The following SHTN1 variants were observed in gnomAD, a reference collection of about 807,000 sequenced individuals.
SHTN1 encodes shootin-1.
A neutral mutation model predicts 83.1 loss-of-function variants in SHTN1; 42 were observed. That is an observed-to-expected ratio of 0.51 (90% CI 0.39 to 0.65). The LOEUF (loss-of-function observed/expected upper bound fraction) is 0.65, where lower values mean the gene tolerates loss of function less well. Ranked by LOEUF, SHTN1 falls within the 30% of genes least tolerant of loss-of-function variation. The probability of loss-of-function intolerance (pLI) is 0.00; values close to 1 mark genes in which losing one functional copy is unlikely to be tolerated. For missense variants in SHTN1, 622 were observed against 737.8 expected, an observed-to-expected ratio of 0.84 and a Z score of 1.82; for synonymous variants, 224 against 247.7, an observed-to-expected ratio of 0.90 and a Z score of 0.90.
rs563987927 is a variant in SHTN1, at chr10:116,968,918, C to T, written c.112-206G>A. 5.3e-5 allele frequency among the ~76,000 whole-genome samples: 8 copies of T among 152,344 alleles called. No homozygotes were observed. The South Asian group carries it at 1.7e-3, about 32-fold the overall frequency. On this transcript the variant is annotated intron_variant, in intron 2 of 16. Coordinates refer to ENST00000355371, the MANE Select transcript of SHTN1 (RefSeq NM_001127211.3). The stretch of plus-strand genomic sequence containing the variant: ...GCCATTTGTATCTGGCCAATTTTCT[C>T]AGACCTTCTAAGATATAAGTCACCT...
At chr10:116,961,567 T>A (rs1052440857) in intron 3 of SHTN1, among the ~76,000 whole-genome samples, 1 of 152,170 alleles carries the variant, frequency 6.6e-6, no homozygotes, top group Admixed American at 6.5e-5. Context: ...ACATTACTAC[T>A]GCATCCCATC....
chr10:117,009,715 T>G (rs1564929798), upstream of SHTN1, among the ~76,000 whole-genome samples: 1 of 151,960 alleles, frequency 6.6e-6, no homozygotes, highest in Non-Finnish European at 1.5e-5. Context: ...CCATCCTGGC[T>G]AACACTGTGA....
intron 1 of SHTN1, among the ~76,000 whole-genome samples, chr10:117,079,845 G>T (rs1291156033): frequency 6.7e-6 from 1 of 148,716 alleles, no homozygotes; most frequent in Admixed American, 6.7e-5. Context: ...CTTTTGAGAA[G>T]TGTCTGTTCA....
Position 116,901,958 on chromosome 10 carries a change from C to G in SHTN1, c.1481-1G>C, listed in dbSNP as rs1427448533. The G allele has an allele frequency of 6.3e-7, 1 of 1,590,046 alleles. No homozygotes were observed. The highest frequency in any genetic ancestry group is 8.5e-7 in the Non-Finnish European group (1 of 1,171,550). On this transcript the variant is annotated splice_acceptor_variant, in intron 15 of 16. Coordinates refer to ENST00000355371, the MANE Select transcript of SHTN1 (RefSeq NM_001127211.3). LOFTEE classifies it high-confidence loss of function. ...GAGGTGGCTAATATCCCAGTTGGACCTTAAAACCAAACACATACCTCAAGT... is the reference window on the plus strand; with the variant it reads ...GAGGTGGCTAATATCCCAGTTGGACGTTAAAACCAAACACATACCTCAAGT...
intron 3 of SHTN1, among the ~76,000 whole-genome samples, chr10:116,966,296 C>G (rs2133453003): frequency 6.6e-6 from 1 of 152,346 alleles, no homozygotes; most frequent in East Asian, 1.9e-4. Flanking sequence ...GCGTGAGCCA[C>G]TGCGCCTGGC....
rs1219163115 is a variant in SHTN1 at position 116,884,882 on chromosome 10, T to A, written c.*1462A>T. On this transcript the variant is annotated 3_prime_UTR_variant, in exon 17 of 17. Coordinates refer to ENST00000355371, the MANE Select transcript of SHTN1 (RefSeq NM_001127211.3). The stretch of plus-strand genomic sequence containing the variant: ...TAACAGAATTCGTTTCGTGAATTAA[T>A]GCAGTCTGTAGTAAGCATATCATAT... 1 of 153,932 alleles carries A rather than the reference T, an allele frequency of 6.5e-6. No individual in the cohort carries two copies. The highest frequency in any genetic ancestry group is 1.4e-5 in the Non-Finnish European group (1 of 69,132). 9.5% of individuals were successfully genotyped at this position (153,932 alleles called of 1,614,324 possible).
intron 1 of SHTN1, among the ~76,000 whole-genome samples, chr10:116,981,220 G>A (rs891627892): frequency 6.6e-6 from 1 of 152,178 alleles, no homozygotes; most frequent in African/African-American, 2.4e-5. Context: ...TTGGGAGGCT[G>A]AGGCAGGAGA....
At chr10:117,052,843 C>T (rs1364125199) in intron 1 of SHTN1, among the ~76,000 whole-genome samples, 12 of 150,744 alleles carry the variant, frequency 8.0e-5, no homozygotes, top group African/African-American at 2.9e-4. Flanking sequence ...CATGGTGAAA[C>T]CCTGTCTCTA....
intron 16 of SHTN1, 53 bp from the exon 17 acceptor site, chr10:116,886,619 T>C: frequency 1.2e-6 from 2 of 1,601,744 alleles, no homozygotes; most frequent in East Asian, 2.2e-5. Context: ...GAGAAAATAG[T>C]TGTCTCTGAT....
intron 1 of SHTN1, among the ~76,000 whole-genome samples, chr10:116,989,195 C>T (rs1209972512): frequency 2.6e-5 from 4 of 152,160 alleles, no homozygotes; most frequent in African/African-American, 9.6e-5. Context: ...TACAGTAAAA[C>T]TGCAAAGATA....
intron 7 of SHTN1, among the ~76,000 whole-genome samples, chr10:116,946,195 AAT>A (rs1033762302): frequency 6.7e-6 from 1 of 148,220 alleles, no homozygotes; most frequent in Non-Finnish European, 1.5e-5. Flanking sequence ...TATATATATA[AAT>A]ATATATATAA....
At chr10:116,988,195 G>C (rs1589872762) in intron 1 of SHTN1, among the ~76,000 whole-genome samples, 1 of 152,028 alleles carries the variant, frequency 6.6e-6, no homozygotes, top group East Asian at 1.9e-4. Flanking sequence ...AATAATAGTA[G>C]AAATGAGAGT....
At chr10:116,911,493 G>A (rs1278772649) in intron 14 of SHTN1, 1 of 1,550,336 alleles carries the variant, frequency 6.5e-7, no homozygotes, top group Middle Eastern at 1.7e-4. Flanking sequence ...CCTTACATAT[G>A]GCCAGCCACT....
intron 1 of SHTN1, among the ~76,000 whole-genome samples, chr10:117,104,426 T>G (rs1853644509): frequency 6.6e-6 from 1 of 152,202 alleles, no homozygotes; most frequent in Admixed American, 6.5e-5. Context: ...AGTATCTAGC[T>G]AAAATTGCTT....
At chr10:117,021,230 G>A (rs564328274) in intron 2 of SHTN1, among the ~76,000 whole-genome samples, 18 of 152,122 alleles carry the variant, frequency 1.2e-4, no homozygotes, top group Non-Finnish European at 1.6e-4. Flanking sequence ...AAAATTAGCC[G>A]GGCGTTGTGG....
intron 16 of SHTN1, among the ~76,000 whole-genome samples, chr10:116,899,846 A>T (rs1424915145): frequency 6.6e-6 from 1 of 152,228 alleles, no homozygotes; most frequent in Non-Finnish European, 1.5e-5. Flanking sequence ...CTTACTAATA[A>T]GTCAAAGCCA....
rs1564865411 is a variant in SHTN1 at position 116,899,975 on chromosome 10, C to A, written c.1673+1790G>T. Reference sequence around the variant, plus strand: ...CATGTAACTACATTAAGTTAAAATTCTTTTAGTCATTAAAAGGTTTAAACA... The same window carrying A: ...CATGTAACTACATTAAGTTAAAATTATTTTAGTCATTAAAAGGTTTAAACA... On this transcript the variant is annotated intron_variant, in intron 16 of 16. Transcript: ENST00000355371. Among the ~76,000 whole-genome samples the A allele has an allele frequency of 2.0e-5, 3 of 152,126 alleles. No homozygotes were observed. The South Asian group carries it at 6.2e-4, about 32-fold the overall frequency.
upstream of SHTN1, chr10:117,005,404 G>C (rs1851985104): frequency 6.8e-6 from 8 of 1,168,858 alleles, no homozygotes; most frequent in Non-Finnish European, 8.5e-6. Flanking sequence ...GTGGGAGGGG[G>C]GGCGGCCCTG....
chr10:117,035,960 A>AAT (rs1852490151), intron 2 of SHTN1, among the ~76,000 whole-genome samples: 1 of 151,008 alleles, frequency 6.6e-6, no homozygotes, highest in Admixed American at 6.6e-5. Context: ...AAAAAAAAAA[A>AAT]AAAAAAAGGC....
Sources: allele counts gnomAD v4.1 joint callset (sites outside exome capture counted in the v4.1 genomes callset), GRCh38; gene constraint gnomAD v4.1.1; transcripts MANE v1.5; gene names NCBI Gene and HGNC (gene_info 2026-07-23, HGNC 2026-07-21).